Variants in ZFHX3 observed in about 807,000 individuals in gnomAD.
ZFHX3 encodes the protein zinc finger homeobox protein 3.
Under a neutral mutation model 279.1 loss-of-function variants are expected in ZFHX3, and 42 were observed. That is an observed-to-expected ratio of 0.15 (90% CI 0.12 to 0.19). The LOEUF (loss-of-function observed/expected upper bound fraction) is 0.19, where lower values mean the gene tolerates loss of function less well. Ranked by LOEUF, ZFHX3 falls within the 10% of genes least tolerant of loss-of-function variation. The pLI is 1.00. For synonymous variants in ZFHX3, 2,293 were observed against 1,957.8 expected, an observed-to-expected ratio of 1.17 and a Z score of -4.52; for missense variants, 4,981 against 4,754.0, an observed-to-expected ratio of 1.05 and a Z score of -1.40.
chr16:73,355,311 G>GAAT (rs368784576), intron 3 of ZFHX3, among the ~76,000 whole-genome samples: 3 of 152,108 alleles, frequency 2.0e-5, no homozygotes, highest in Non-Finnish European at 4.4e-5. Context: ...CTCCTGACAT[G>GAAT]AATAATAATA....
intron 2 of ZFHX3, among the ~76,000 whole-genome samples, chr16:73,509,670 G>A (rs141363156): frequency 0.015 from 2,038 of 136,014 alleles, 76 homozygotes; most frequent in African/African-American, 0.055. Context: ...GATTATAGGC[G>A]CCCACCACCA....
chr16:73,066,521 A>G (rs1465584278), intron 8 of ZFHX3, among the ~76,000 whole-genome samples: 2 of 151,888 alleles, frequency 1.3e-5, no homozygotes, highest in African/African-American at 4.8e-5. Flanking sequence ...GCCAGTGCAG[A>G]GTCGCCGCAC....
chr16:73,577,064 C>A (rs768425770), intron 2 of ZFHX3, among the ~76,000 whole-genome samples: 2 of 152,218 alleles, frequency 1.3e-5, no homozygotes, highest in Non-Finnish European at 2.9e-5. Flanking sequence ...GGAGCAGTCA[C>A]AAAATTTTAC....
At position 72,820,304 on chromosome 16, in the gene ZFHX3, T is replaced by C. The variant is rs116109093; in HGVS notation, c.3530-8266A>G. 8.8e-3 allele frequency among the ~76,000 whole-genome samples: 1,334 copies of C among 152,322 alleles called. 18 individuals are homozygous for C. The highest frequency in any genetic ancestry group is 0.03 in the African/African-American group (1,254 of 41,580). On this transcript the variant is annotated intron_variant, in intron 5 of 9. Transcript: ENST00000268489. Reference sequence around the variant, plus strand: ...GCCCTACATCAGAGACATCAATCTGTTGCACTAATTCCTTGCTGAAGTATG... The same window carrying C: ...GCCCTACATCAGAGACATCAATCTGCTGCACTAATTCCTTGCTGAAGTATG...
chr16:73,473,339 C>CAAAAAAAAAAAAAAAAAAAAAAAAA (rs11347779), intron 2 of ZFHX3, among the ~76,000 whole-genome samples: 1 of 76,658 alleles, frequency 1.3e-5, no homozygotes, highest in Non-Finnish European at 2.3e-5. Flanking sequence ...TGTCTCAAAG[C>CAAAAAAAAAAAAAAAAAAAAAAAAA]AAAAAAAAAA....
intron 1 of ZFHX3, among the ~76,000 whole-genome samples, chr16:73,730,026 A>G (rs535273788): frequency 6.6e-6 from 1 of 152,318 alleles, no homozygotes; most frequent in African/African-American, 2.4e-5. Context: ...CTTTCAAGAC[A>G]ATCAGACAAA....
chr16:73,652,003 AAG>A (rs1472063790), intron 2 of ZFHX3, among the ~76,000 whole-genome samples: 4 of 152,194 alleles, frequency 2.6e-5, no homozygotes, highest in Non-Finnish European at 5.9e-5. Context: ...AACATCTTTT[AAG>A]AGTGTTTTAA....
intron 1 of ZFHX3, among the ~76,000 whole-genome samples, chr16:73,852,903 T>C (rs1961625333): frequency 6.6e-6 from 1 of 151,978 alleles, no homozygotes. Context: ...TATTTGCAAA[T>C]CATGCCTCTG....
chr16:73,522,470 A>T (rs2019623861), intron 2 of ZFHX3, among the ~76,000 whole-genome samples: 1 of 152,174 alleles, frequency 6.6e-6, no homozygotes, highest in South Asian at 2.1e-4. Context: ...CATTATCCAT[A>T]GCCCAGGATC....
At chr16:73,084,018 T>G (rs1965979536) in intron 8 of ZFHX3, among the ~76,000 whole-genome samples, 1 of 152,164 alleles carries the variant, frequency 6.6e-6, no homozygotes, top group Non-Finnish European at 1.5e-5. Flanking sequence ...GAGACATTTC[T>G]AGTAGTGACA....
chr16:73,065,923 T>A lies in ZFHX3; in HGVS notation c.-532-6911A>T, dbSNP rs1182299996. Among the ~76,000 whole-genome samples, 5 of 152,352 alleles carry A rather than the reference T, an allele frequency of 3.3e-5. No individual in the cohort carries two copies. In the East Asian group the frequency reaches 9.6e-4, roughly 29 times the overall value. ...GAAATAGAGAAAAATGCGAATCCGA[T>A]CTTCCCGTGCGCTCATGACACGAAA... On this transcript the variant is annotated intron_variant, in intron 8 of 17. Transcript: ENST00000641206.
At chr16:73,176,609 CTTT>C (rs34772851) in intron 5 of ZFHX3, among the ~76,000 whole-genome samples, 5 of 139,362 alleles carry the variant, frequency 3.6e-5, no homozygotes, top group East Asian at 2.1e-4. Context: ...TCTTCTTCTC[CTTT>C]TTTTTTTTTT....
chr16:73,715,789 G>T (rs964293727), intron 1 of ZFHX3, among the ~76,000 whole-genome samples: 4 of 151,764 alleles, frequency 2.6e-5, no homozygotes, highest in African/African-American at 7.3e-5. Flanking sequence ...GGCCAGGCTG[G>T]TCTTGAACTC....
At chr16:73,143,627 C>A (rs1223994805) in intron 6 of ZFHX3, 4 of 575,832 alleles carry the variant, frequency 6.9e-6, no homozygotes, top group South Asian at 1.6e-5. Context: ...AGTAACACTG[C>A]AATTTCCTTT....
chr16:73,629,925 G>A (rs1000509430), intron 2 of ZFHX3, among the ~76,000 whole-genome samples: 8 of 152,154 alleles, frequency 5.3e-5, no homozygotes, highest in Non-Finnish European at 1.2e-4. Flanking sequence ...GAATGGTGCA[G>A]ATTTAAGCAA....
chr16:73,131,764 A>G (rs1393319214), intron 6 of ZFHX3, among the ~76,000 whole-genome samples: 1 of 152,202 alleles, frequency 6.6e-6, no homozygotes, highest in Non-Finnish European at 1.5e-5. Context: ...TCCTAAAACT[A>G]GGTACTGTAT....
At chr16:72,791,068 T>C (rs2035679293) in intron 9 of ZFHX3, 1 of 152,196 alleles carries the variant, frequency 6.6e-6, no homozygotes, top group South Asian at 2.1e-4. Context: ...GCAAGGTACT[T>C]CATCCCCCCT....
chr16:73,557,719 C>A (rs1176159125), intron 2 of ZFHX3, among the ~76,000 whole-genome samples: 1 of 152,086 alleles, frequency 6.6e-6, no homozygotes, highest in East Asian at 1.9e-4. Flanking sequence ...GTTTTATCAG[C>A]AAGGTCTTTA....
intron 5 of ZFHX3, among the ~76,000 whole-genome samples, chr16:73,245,186 T>C (rs1340577557): frequency 2.0e-5 from 3 of 152,218 alleles, no homozygotes; most frequent in Non-Finnish European, 4.4e-5. Context: ...GTTGATTTAC[T>C]CATCTGTCTC....
Sources: gnomAD v4.1 joint callset for allele counts (sites outside exome capture counted in the v4.1 genomes callset) on GRCh38, gnomAD v4.1.1 for gene constraint, MANE v1.5 for transcripts, NCBI Gene and HGNC (gene_info 2026-07-23, HGNC 2026-07-21) for gene names.